Variants in GADL1 observed in about 807,000 individuals in gnomAD.
GADL1 encodes GAD like acidic amino acid decarboxylase 1.
In GADL1, 71 loss-of-function variants were observed where a neutral mutation model predicts 69.5. The ratio of observed to expected loss-of-function variants is 1.02; its 90% CI spans 0.84 to 1.25. The LOEUF (loss-of-function observed/expected upper bound fraction) is 1.25, where lower values mean the gene tolerates loss of function less well. Ranked by LOEUF, GADL1 falls within the 50% of genes most tolerant of loss-of-function variation. The probability of loss-of-function intolerance (pLI) is 0.00; values close to 1 mark genes in which losing one functional copy is unlikely to be tolerated. For missense variants in GADL1, 737 were observed against 631.8 expected (o/e 1.17, Z -1.79); for synonymous variants, 254 against 214.4 (o/e 1.18, Z -1.62).
chr3:30,855,569 G>A (rs1212893376), intron 3 of GADL1, among the ~76,000 whole-genome samples: 24 of 151,886 alleles, frequency 1.6e-4, no homozygotes, highest in Admixed American at 1.2e-3. Context: ...AAATGCAATC[G>A]CCTTTAAGAG....
chr3:30,771,737 C>G (rs1360324123), intron 14 of GADL1, among the ~76,000 whole-genome samples: 2 of 152,172 alleles, frequency 1.3e-5, no homozygotes, highest in African/African-American at 4.8e-5. Context: ...AAATGAGTGA[C>G]TGAATATACT....
intron 8 of GADL1, 130 bp downstream of exon 8, chr3:30,844,080 C>T: frequency 2.9e-6 from 2 of 692,922 alleles, no homozygotes; most frequent in Non-Finnish European, 5.1e-6. Context: ...ATTCTCTCTC[C>T]TCTCTCCCAC....
chr3:30,787,311 G>T (rs181748841), intron 12 of GADL1, among the ~76,000 whole-genome samples: 23 of 152,276 alleles, frequency 1.5e-4, no homozygotes, highest in Non-Finnish European at 2.8e-4. Context: ...TAAGTAAAGG[G>T]CATAGATGAA....
chr3:30,894,066 T>C (rs1698819859), intron 1 of GADL1, among the ~76,000 whole-genome samples: 1 of 152,204 alleles, frequency 6.6e-6, no homozygotes, highest in Admixed American at 6.5e-5. Context: ...CTGCATACGA[T>C]CTTTAAACAA....
intron 14 of GADL1, among the ~76,000 whole-genome samples, chr3:30,774,614 C>T (rs1575198590): frequency 6.6e-6 from 1 of 152,128 alleles, no homozygotes; most frequent in East Asian, 1.9e-4. Context: ...CCAATACTGT[C>T]ATGCTCAAGT....
At chr3:30,752,895 A>T (rs1695863181) in intron 14 of GADL1, among the ~76,000 whole-genome samples, 1 of 152,198 alleles carries the variant, frequency 6.6e-6, no homozygotes, top group Non-Finnish European at 1.5e-5. Flanking sequence ...AATCAGTATA[A>T]GATGATGGCA....
At chr3:30,796,874 A>G (rs1697042887) in intron 12 of GADL1, among the ~76,000 whole-genome samples, 1 of 152,128 alleles carries the variant, frequency 6.6e-6, no homozygotes, top group Non-Finnish European at 1.5e-5. Context: ...CTTCATACCC[A>G]TAATCACCAG....
At chr3:30,833,973 C>G in intron 10 of GADL1, 39 bp from the exon 11 acceptor site, 1 of 1,403,658 alleles carries the variant, frequency 7.1e-7, no homozygotes. Flanking sequence ...GGAGAGGACT[C>G]AATTAGTTTC....
At chr3:30,752,582 C>G in intron 14 of GADL1, among the ~76,000 whole-genome samples, 1 of 152,108 alleles carries the variant, frequency 6.6e-6, no homozygotes, top group East Asian at 1.9e-4. Flanking sequence ...AGGAGTTATG[C>G]GAGTGTTTTT....
At chr3:30,854,816 C>A in intron 3 of GADL1, 27 bp from the exon 4 acceptor site, 10 of 1,202,472 alleles carry the variant, frequency 8.3e-6, no homozygotes, top group Middle Eastern at 1.9e-4. Flanking sequence ...GAGTATTCAT[C>A]TATGCAGCAA....
chr3:30,812,101 A>G (rs1697368435), intron 11 of GADL1, among the ~76,000 whole-genome samples: 1 of 152,226 alleles, frequency 6.6e-6, no homozygotes, highest in African/African-American at 2.4e-5. Flanking sequence ...AGTACCCATT[A>G]TAAGAGTTTT....
At position 30,894,628 on chromosome 3, in the gene GADL1, C is replaced by T. The variant is rs1352301194; in HGVS notation, c.-14G>A. ...GTCGCTGCTCATCTCCGCTCCCCCA[C>T]TCCAGGCTGCCCCGGGCGCGGCTCC... On this transcript the variant is annotated 5_prime_UTR_variant, in exon 1 of 15. The change creates a new upstream start codon in the 5' untranslated region. Coordinates refer to ENST00000282538, the MANE Select transcript of GADL1 (RefSeq NM_207359.3). The T allele has an allele frequency of 6.5e-7, 1 of 1,550,294 alleles. No homozygotes were observed. Among genetic ancestry groups the T allele is most frequent in the African/African-American group, 1.4e-5 (1 of 73,110 alleles).
chr3:30,776,234 T>A (rs1696533498), intron 14 of GADL1, among the ~76,000 whole-genome samples: 1 of 152,252 alleles, frequency 6.6e-6, no homozygotes, highest in Non-Finnish European at 1.5e-5. Flanking sequence ...TATCACATTC[T>A]TCATTGTTTT....
rs568111086 is a variant in GADL1, at chr3:30,832,353, A to C, written c.1050+1500T>G. On this transcript the variant is annotated intron_variant, in intron 11 of 14. Transcript: ENST00000282538. The stretch of plus-strand genomic sequence containing the variant: ...AATGAATTCTTTAAAAAAAAAAAAA[A>C]CCCTGTTAAGGAGTTATATGATCCA... Among the ~76,000 whole-genome samples, 12 of 150,962 alleles carry C rather than the reference A, an allele frequency of 7.9e-5. No individual in the cohort carries two copies. In the South Asian group the frequency reaches 1.1e-3, roughly 13 times the overall value.
At chr3:30,798,396 GA>G in intron 12 of GADL1, 2 of 152,972 alleles carry the variant, frequency 1.3e-5, no homozygotes, top group Non-Finnish European at 2.9e-5. Context: ...AGTGGCAAGA[GA>G]AAAAGAAACG....
chr3:30,822,498 G>A (rs924339068), intron 11 of GADL1, among the ~76,000 whole-genome samples: 14 of 152,050 alleles, frequency 9.2e-5, no homozygotes, highest in African/African-American at 3.1e-4. Flanking sequence ...TCATAAGAAG[G>A]GGTAGAAGTG....
intron 14 of GADL1, among the ~76,000 whole-genome samples, chr3:30,743,416 A>G (rs1695654768): frequency 6.6e-6 from 1 of 152,260 alleles, no homozygotes; most frequent in African/African-American, 2.4e-5. Flanking sequence ...AGAATAGCGC[A>G]TAACAATTGA....
intron 8 of GADL1, among the ~76,000 whole-genome samples, chr3:30,842,580 G>T (rs554369632): frequency 1.4e-4 from 22 of 151,950 alleles, no homozygotes; most frequent in African/African-American, 5.3e-4. Flanking sequence ...AGAAATGAGG[G>T]AGGGAAGAAA....
intron 14 of GADL1, among the ~76,000 whole-genome samples, chr3:30,769,824 G>A (rs181685191): frequency 1.5e-3 from 234 of 152,294 alleles, no homozygotes; most frequent in Non-Finnish European, 2.6e-3. Context: ...TCCCTCAGTC[G>A]ATAGTGGGCC....
Sources: gnomAD v4.1 joint callset for allele counts (sites outside exome capture counted in the v4.1 genomes callset) on GRCh38, gnomAD v4.1.1 for gene constraint, MANE v1.5 for transcripts, NCBI Gene and HGNC (gene_info 2026-07-23, HGNC 2026-07-21) for gene names.